EPN1: variants seen among roughly 807,000 people sequenced by gnomAD.
The protein encoded by EPN1 is epsin 1, also known as epsin-1.
In EPN1, 25 loss-of-function variants were observed where a neutral mutation model predicts 56.9. The ratio of observed to expected loss-of-function variants is 0.44; its 90% CI spans 0.32 to 0.61. The LOEUF is 0.61. Among genes scored for constraint, EPN1 ranks in the 20% least tolerant of loss-of-function variants. The pLI is 0.05. For synonymous variants in EPN1, 411 were observed against 361.8 expected (o/e 1.14, Z -1.54); for missense variants, 785 against 823.7 (o/e 0.95, Z 0.58).
In EPN1 at chr19:55,689,555, G is replaced by T. The variant is rs1986397910; in HGVS notation, c.678+184G>T. Among the ~76,000 whole-genome samples the T allele has an allele frequency of 6.6e-6, 1 of 152,262 alleles. No individual in the cohort carries two copies. The highest frequency in any genetic ancestry group is 2.1e-4 in the South Asian group (1 of 4,824). On this transcript the variant is annotated intron_variant, in intron 5 of 10. Transcript: ENST00000270460. This position sits in a 1 kb window ranked among gnomAD's most constrained non-coding sequence, Gnocchi z 5.7. ...ACAAGTCAGACAGAGCCTGGGTGGTGGCCAGCACAGCTGTGCCAAGGTTGC... is the reference window on the plus strand; with the variant it reads ...ACAAGTCAGACAGAGCCTGGGTGGTTGCCAGCACAGCTGTGCCAAGGTTGC...
In EPN1 at chr19:55,689,884, C is replaced by T. The variant is rs370140669; in HGVS notation, c.696C>T (p.Arg232=). 4.6e-5 allele frequency: 74 copies of T among 1,604,804 alleles called. No homozygotes were observed. Among genetic ancestry groups the T allele is most frequent in the Admixed American group, 3.2e-4 (19 of 58,780 alleles). ...EEHDKEERIR[R]GDDLRLQMAI... is the part of the protein sequence containing the mutation. ...CCCAACAGGAGGAGCGGATCCGTCGCGGGGATGACCTGCGGCTGCAGATGG... is the reference window on the plus strand; with the variant it reads ...CCCAACAGGAGGAGCGGATCCGTCGTGGGGATGACCTGCGGCTGCAGATGG... Residue 232 remains arginine (R), a synonymous_variant, in exon 6 of 11, where the codon CGC becomes CGT. Coordinates refer to ENST00000270460, the MANE Select transcript of EPN1 (RefSeq NM_001130072.2). The surrounding 1 kb of genome is among the most constrained non-coding windows in gnomAD (Gnocchi z 5.7).
intron 2 of EPN1, among the ~76,000 whole-genome samples, chr19:55,681,503 T>C (rs1985817268): frequency 6.6e-6 from 1 of 152,148 alleles, no homozygotes; most frequent in South Asian, 2.1e-4. Flanking sequence ...ACTGGTGAAA[T>C]CCCACTCACA....
chr19:55,699,490 C>T lies in EPN1; in HGVS notation c.*4134C>T, dbSNP rs548699795. 6.6e-6 allele frequency: 1 copy of T among 152,364 alleles called. No homozygotes were observed. The highest frequency in any genetic ancestry group is 2.1e-4 in the South Asian group (1 of 4,830). The allele number at this position is 152,364 out of a possible 1,614,324, so 9.4% of individuals were successfully genotyped here. On this transcript the variant is annotated 3_prime_UTR_variant, in exon 11 of 11. Coordinates refer to ENST00000270460, the MANE Select transcript of EPN1 (RefSeq NM_001130072.2). ...CACTGTGGTGAGAAACCGGCCTACT[C>T]ACATCACAGGTGCCCCTGGAGTTTC...
intron 2 of EPN1, chr19:55,680,668 A>G (rs1167824221): frequency 6.6e-6 from 1 of 152,400 alleles, no homozygotes; most frequent in African/African-American, 2.4e-5. Context: ...ATAGCTGAGC[A>G]TAGGCACAGG....
At chr19:55,683,984 A>G (rs1011025980) in intron 2 of EPN1, among the ~76,000 whole-genome samples, 3 of 152,198 alleles carry the variant, frequency 2.0e-5, no homozygotes, top group African/African-American at 7.2e-5. Context: ...TCTGAATTCC[A>G]AAACACAAGG....
chr19:55,681,878 G>A (rs1451971635), intron 2 of EPN1, among the ~76,000 whole-genome samples: 2 of 151,994 alleles, frequency 1.3e-5, no homozygotes, highest in African/African-American at 4.8e-5. Context: ...TACAGTCATA[G>A]CTCACTGAGC....
chr19:55,703,891 C>T lies in EPN1; in HGVS notation c.*8535C>T, dbSNP rs1211074138. ...CTCCCCTGCGTTTCGGCTGCTGGCCCAGCAGAGGGCGCCGGAGAGCGGACG... is the reference window on the plus strand; with the variant it reads ...CTCCCCTGCGTTTCGGCTGCTGGCCTAGCAGAGGGCGCCGGAGAGCGGACG... On this transcript the variant is annotated 3_prime_UTR_variant, in exon 11 of 11. Coordinates refer to ENST00000270460, the MANE Select transcript of EPN1 (RefSeq NM_001130072.2). 1 of 152,216 alleles carries T rather than the reference C, an allele frequency of 6.6e-6. No individual in the cohort carries two copies. The highest frequency in any genetic ancestry group is 1.5e-5 in the Non-Finnish European group (1 of 68,048). The allele number at this position is 152,216 out of a possible 1,614,324, so 9.4% of individuals were successfully genotyped here. A position where few individuals can be genotyped will look rare whatever the true frequency, so the allele number is the denominator to read the frequency against.
At position 55,705,808 on chromosome 19, in the gene EPN1, G is replaced by GATGGATATATATATATATATATAT. The variant is rs1987363001; in HGVS notation, c.*10454_*10455insGGATATATATATATATATATATAT. ...GTGGCTGGAATATTTGTTGTTGTGG[G>GATGGATATATATATATATATATAT]ATATATATATATATATATATTTAGA... is the stretch of plus-strand genomic sequence containing the variant. On this transcript the variant is annotated 3_prime_UTR_variant, in exon 11 of 11. Transcript: ENST00000270460. The GATGGATATATATATATATATATAT allele has an allele frequency of 3.9e-5, 4 of 103,170 alleles. No individual in the cohort carries two copies. The highest frequency in any genetic ancestry group is 1.8e-4 in the African/African-American group (4 of 21,956). 6.4% of individuals were successfully genotyped at this position (103,170 alleles called of 1,614,324 possible).
chr19:55,683,826 C>A (rs944398038), intron 2 of EPN1, among the ~76,000 whole-genome samples: 6 of 152,194 alleles, frequency 3.9e-5, no homozygotes, highest in Non-Finnish European at 8.8e-5. Context: ...ATGATCCGTT[C>A]GGCACAAAGT....
chr19:55,680,557 C>T (rs1985744262), intron 2 of EPN1: 1 of 152,384 alleles, frequency 6.6e-6, no homozygotes, highest in South Asian at 2.1e-4. Context: ...CGTCTGGAAA[C>T]CTGCTTTGGT....
rs922026263 is a variant in EPN1 at position 55,704,003 on chromosome 19, C to A, written c.*8647C>A. Reference sequence around the variant, plus strand: ...CTGGGCCAGCGCGCAGACTATCAACCGAGGTATTCAGTCCCTCGGAAACCC... The same window carrying A: ...CTGGGCCAGCGCGCAGACTATCAACAGAGGTATTCAGTCCCTCGGAAACCC... On this transcript the variant is annotated 3_prime_UTR_variant, in exon 11 of 11. Coordinates refer to ENST00000270460, the MANE Select transcript of EPN1 (RefSeq NM_001130072.2). 1 of 152,186 alleles carries A rather than the reference C, an allele frequency of 6.6e-6. No individual in the cohort carries two copies. The highest frequency in any genetic ancestry group is 2.1e-4 in the South Asian group (1 of 4,830). The allele number at this position is 152,186 out of a possible 1,614,324, so 9.4% of individuals were successfully genotyped here.
chr19:55,692,974 C>T lies in EPN1; in HGVS notation c.1201C>T (p.Pro401Ser). The T allele has an allele frequency of 4.3e-6, 7 of 1,613,488 alleles. No individual in the cohort carries two copies. Among genetic ancestry groups the T allele is most frequent in the East Asian group, 2.2e-5 (1 of 44,866 alleles). Reference protein sequence around the residue: ...TTAAGGFDTEPDEFSDFDRLR... With the variant: ...TTAAGGFDTESDEFSDFDRLR... ...AGCAGCCGGGGGATTCGACACGGAGCCCGACGAGTTCTCTGACTTTGACCG... is the reference window on the plus strand; with the variant it reads ...AGCAGCCGGGGGATTCGACACGGAGTCCGACGAGTTCTCTGACTTTGACCG... Residue 401 changes from proline (P) to serine (S), a missense_variant, in exon 9 of 11, where the codon CCC becomes TCC. Physicochemically the swap from Pro to Ser is moderately conservative, Grantham distance 74. Transcript: ENST00000270460.
At chr19:55,682,596 TTTTA>T (rs1424992255) in intron 2 of EPN1, among the ~76,000 whole-genome samples, 5 of 151,962 alleles carry the variant, frequency 3.3e-5, no homozygotes, top group South Asian at 2.1e-4. Flanking sequence ...TTTTTTGTTA[TTTTA>T]TTTATTTATT....
intron 6 of EPN1, among the ~76,000 whole-genome samples, chr19:55,690,221 G>A (rs887706727): frequency 6.6e-6 from 1 of 152,220 alleles, no homozygotes; most frequent in Non-Finnish European, 1.5e-5. Flanking sequence ...ACCACCGGCC[G>A]CCACAGCTGA....
Position 55,691,632 on chromosome 19 carries a change from T to C in EPN1, c.763-122T>C, listed in dbSNP as rs1479803175. The C allele has an allele frequency of 2.5e-6, 2 of 808,662 alleles. No individual in the cohort carries two copies. The highest frequency in any genetic ancestry group is 4.0e-6 in the Non-Finnish European group (2 of 496,520). The allele number at this position is 808,662 out of a possible 1,614,324, so 50.1% of individuals were successfully genotyped here. A position where few individuals can be genotyped will look rare whatever the true frequency, so the allele number is the denominator to read the frequency against. On this transcript the variant is annotated intron_variant, in intron 6 of 10. Coordinates refer to ENST00000270460, the MANE Select transcript of EPN1 (RefSeq NM_001130072.2). The surrounding 1 kb of genome is among the most constrained non-coding windows in gnomAD (Gnocchi z 5.6). Reference sequence around the variant, plus strand: ...GGGCCTGCCTCCCTCTCACCCCTTATGGATGGCTGCTGTCTGGACACCCAG... The same window carrying C: ...GGGCCTGCCTCCCTCTCACCCCTTACGGATGGCTGCTGTCTGGACACCCAG...
chr19:55,694,943 G>A lies in EPN1; in HGVS notation c.1482G>A (p.Thr494=), dbSNP rs780000365. The A allele has an allele frequency of 1.0e-5, 16 of 1,558,544 alleles. No homozygotes were observed. Among genetic ancestry groups the A allele is most frequent in the South Asian group, 2.4e-5 (2 of 84,990 alleles). ...CGCTGGTGAGCCGGCCGGGCCCCAC[G>A]CCGCCTGGAGCCAAGGCCTCCAACC... ...LDSLVSRPGP[T]PPGAKASNPF... is the part of the protein sequence containing the mutation. The change falls in exon 10 of 11, where the codon ACG becomes ACA. Residue 494 remains threonine (T), a synonymous_variant. Coordinates refer to ENST00000270460, the MANE Select transcript of EPN1 (RefSeq NM_001130072.2). The surrounding 1 kb of genome is among the most constrained non-coding windows in gnomAD (Gnocchi z 4.2).
Position 55,695,042 on chromosome 19 carries a change from C to A in EPN1, c.1522+59C>A. On this transcript the variant is annotated intron_variant, in intron 10 of 10. Transcript: ENST00000270460. The surrounding 1 kb of genome is among the most constrained non-coding windows in gnomAD (Gnocchi z 4.4). ...CCTGTGGGTTCCACCAGAGGAGGTG[C>A]CTCACGGGGCAGGGACACTTCGCCC... 1.3e-6 allele frequency: 2 copies of A among 1,576,478 alleles called. No individual in the cohort carries two copies. The highest frequency in any genetic ancestry group is 8.6e-7 in the Non-Finnish European group (1 of 1,161,610).
rs761024384 is a variant in EPN1 at position 55,688,859 on chromosome 19, C to T, written c.479-11C>T. The T allele has an allele frequency of 6.4e-7, 1 of 1,573,112 alleles. No homozygotes were observed. On this transcript the variant is annotated splice_polypyrimidine_tract_variant and intron_variant, in intron 3 of 10. Coordinates refer to ENST00000270460, the MANE Select transcript of EPN1 (RefSeq NM_001130072.2). ...GGTCTGGGTCTCACGCGTTTCTCAC[C>T]CGCCCTCCAGCCTCATCAGCAGCTG...
chr19:55,706,890 A>G lies in EPN1; in HGVS notation c.*11534A>G, dbSNP rs1987450161. 6.6e-6 allele frequency: 1 copy of G among 151,600 alleles called. No homozygotes were observed. Among genetic ancestry groups the G allele is most frequent in the Non-Finnish European group, 1.5e-5 (1 of 67,898 alleles). The allele number at this position is 151,600 out of a possible 1,614,324, so 9.4% of individuals were successfully genotyped here. On this transcript the variant is annotated 3_prime_UTR_variant, in exon 11 of 11. Transcript: ENST00000270460. ...CCCGTCTATACTAAAAAATATTTAA[A>G]TGGGCTGAGCGCGGTGGCTCAGGCC...
Sources: gnomAD v4.1 joint callset for allele counts (sites outside exome capture counted in the v4.1 genomes callset) on GRCh38, gnomAD v4.1.1 for gene constraint, Gnocchi (gnomAD v3.1) non-coding constraint, MANE v1.5 for transcripts, NCBI Gene and HGNC (gene_info 2026-07-23, HGNC 2026-07-21) for gene names.